The following ATG5 variants were observed in gnomAD, a reference collection of about 807,000 sequenced individuals.
ATG5 encodes the protein autophagy protein 5.
Under a neutral mutation model 36.5 loss-of-function variants are expected in ATG5, and 14 were observed. That is an observed-to-expected ratio of 0.38 (90% CI 0.25 to 0.60). ATG5 has a LOEUF of 0.60. Among genes scored for constraint, ATG5 ranks in the 20% least tolerant of loss-of-function variants. The pLI is 0.60. For missense variants in ATG5, 195 were observed against 326.7 expected, an observed-to-expected ratio of 0.60 and a Z score of 3.11; for synonymous variants, 95 against 101.5, an observed-to-expected ratio of 0.94 and a Z score of 0.38.
intron 6 of ATG5, among the ~76,000 whole-genome samples, chr6:106,238,707 C>A (rs933584121): frequency 6.6e-6 from 1 of 152,126 alleles, no homozygotes; most frequent in Non-Finnish European, 1.5e-5. Context: ...AAGAGCCCTG[C>A]CAGGTATTGA....
At chr6:106,253,315 C>T (rs547104923) in intron 5 of ATG5, among the ~76,000 whole-genome samples, 29 of 152,294 alleles carry the variant, frequency 1.9e-4, no homozygotes, top group Admixed American at 1.6e-3. Flanking sequence ...CTAGCCTCTG[C>T]GTCAGGGCTG....
intron 5 of ATG5, among the ~76,000 whole-genome samples, chr6:106,256,816 C>T (rs1778818371): frequency 6.6e-6 from 1 of 152,102 alleles, no homozygotes; most frequent in African/African-American, 2.4e-5. Flanking sequence ...AATGTGAAGG[C>T]CTAGGACATT....
intron 1 of ATG5, among the ~76,000 whole-genome samples, chr6:106,319,693 G>A (rs904699362): frequency 2.0e-5 from 3 of 152,076 alleles, no homozygotes; most frequent in Non-Finnish European, 4.4e-5. Flanking sequence ...CTCTACCCTT[G>A]TAAGTTTTTA....
At chr6:106,286,313 G>C (rs796753707) in intron 4 of ATG5, among the ~76,000 whole-genome samples, 1 of 130,708 alleles carries the variant, frequency 7.7e-6, no homozygotes, top group Non-Finnish European at 1.7e-5. Context: ...AGCACATGGG[G>C]CTCACCTTGT....
intron 4 of ATG5, chr6:106,283,418 C>T (rs1358110783): frequency 6.6e-6 from 1 of 151,694 alleles, no homozygotes; most frequent in African/African-American, 2.4e-5. Context: ...TTTTTAGAGA[C>T]AGGGTCTCAT....
intron 7 of ATG5, among the ~76,000 whole-genome samples, chr6:106,187,254 A>T (rs2114297294): frequency 6.6e-6 from 1 of 152,312 alleles, no homozygotes; most frequent in African/African-American, 2.4e-5. Context: ...AGGGATTACA[A>T]ATCTGACTCA....
intron 7 of ATG5, among the ~76,000 whole-genome samples, chr6:106,195,736 A>G (rs1341303959): frequency 6.6e-6 from 1 of 151,006 alleles, no homozygotes; most frequent in Non-Finnish European, 1.5e-5. Context: ...ACTCACCTAC[A>G]GCACCTGAAA....
Position 106,216,216 on chromosome 6 carries a change from TTACCA to T in ATG5, c.574-14132_574-14128del, listed in dbSNP as rs549731293. On this transcript the variant is annotated intron_variant, in intron 6 of 7. Transcript: ENST00000369076. The stretch of plus-strand genomic sequence containing the variant: ...ATACCCCAAAGGTTTAAACGTGGAA[TTACCA>T]TGCAACCCAGCAATTCTACTCCTAA... 3.3e-5 allele frequency among the ~76,000 whole-genome samples: 5 copies of T among 152,286 alleles called. No homozygotes were observed. The South Asian group carries it at 1.0e-3, about 32-fold the overall frequency.
chr6:106,246,392 T>TCA (rs72252671), intron 6 of ATG5, among the ~76,000 whole-genome samples: 2,051 of 129,584 alleles, frequency 0.016, 23 homozygotes, highest in African/African-American at 0.036. Context: ...TCTCTCTCTC[T>TCA]CACACACACA....
At chr6:106,215,427 T>A (rs1377264413) in intron 6 of ATG5, among the ~76,000 whole-genome samples, 1 of 152,226 alleles carries the variant, frequency 6.6e-6, no homozygotes, top group Admixed American at 6.5e-5. Flanking sequence ...TATTTATTAT[T>A]TTGTTTCTAA....
chr6:106,243,463 G>A (rs765191792), intron 6 of ATG5, among the ~76,000 whole-genome samples: 1 of 151,872 alleles, frequency 6.6e-6, no homozygotes, highest in Non-Finnish European at 1.5e-5. Context: ...GGAAGGCAGA[G>A]GCTGTAGTGA....
chr6:106,205,944 A>G (rs1776612813), intron 6 of ATG5, among the ~76,000 whole-genome samples: 1 of 152,218 alleles, frequency 6.6e-6, no homozygotes, highest in African/African-American at 2.4e-5. Flanking sequence ...TTTAATATTT[A>G]TTATACAGTA....
At chr6:106,214,217 T>TAC (rs1166882892) in intron 6 of ATG5, among the ~76,000 whole-genome samples, 6 of 152,130 alleles carry the variant, frequency 3.9e-5, no homozygotes, top group African/African-American at 1.4e-4. Flanking sequence ...GTACACAATA[T>TAC]ACAATACCTC....
At chr6:106,275,811 A>C (rs1219762584) in intron 5 of ATG5, among the ~76,000 whole-genome samples, 1 of 152,248 alleles carries the variant, frequency 6.6e-6, no homozygotes, top group Non-Finnish European at 1.5e-5. Context: ...TTGGTTAACC[A>C]ACCTTTTATG....
At chr6:106,207,928 C>A (rs942867337) in intron 6 of ATG5, among the ~76,000 whole-genome samples, 1 of 152,068 alleles carries the variant, frequency 6.6e-6, no homozygotes, top group South Asian at 2.1e-4. Context: ...CTGATCTCTA[C>A]TAAAAATACA....
intron 3 of ATG5, among the ~76,000 whole-genome samples, chr6:106,298,823 C>A (rs1006636948): frequency 1.8e-4 from 27 of 152,246 alleles, no homozygotes; most frequent in Non-Finnish European, 4.0e-4. Context: ...TCTAATGAAT[C>A]TACTGATATT....
intron 6 of ATG5, among the ~76,000 whole-genome samples, chr6:106,243,405 G>A (rs1380364155): frequency 2.6e-5 from 4 of 151,738 alleles, no homozygotes; most frequent in African/African-American, 4.8e-5. Flanking sequence ...GCACATGCCT[G>A]TAGTCCTGGT....
rs1253223417 is a variant in ATG5 at position 106,189,847 on chromosome 6, G to A, written c.692-3171C>T. Reference sequence around the variant, plus strand: ...TGTTACTGTATGCCTCTCCCACTCAGGTTTTTAAAAAAAGCTAGCTTGAAG... The same window carrying A: ...TGTTACTGTATGCCTCTCCCACTCAAGTTTTTAAAAAAAGCTAGCTTGAAG... On this transcript the variant is annotated intron_variant, in intron 7 of 7. Transcript: ENST00000369076. 2.0e-5 allele frequency among the ~76,000 whole-genome samples: 3 copies of A among 151,980 alleles called. No individual in the cohort carries two copies. In the East Asian group the frequency reaches 5.8e-4, roughly 29 times the overall value.
intron 6 of ATG5, among the ~76,000 whole-genome samples, chr6:106,207,665 T>C (rs1344925544): frequency 1.3e-5 from 2 of 152,218 alleles, no homozygotes; most frequent in African/African-American, 4.8e-5. Flanking sequence ...GATGATTTAC[T>C]ATAAGCTGAA....
Sources: allele counts gnomAD v4.1 joint callset (sites outside exome capture counted in the v4.1 genomes callset), GRCh38; gene constraint gnomAD v4.1.1; transcripts MANE v1.5; gene names NCBI Gene and HGNC (gene_info 2026-07-23, HGNC 2026-07-21).